The following LRRC69 variants were observed in gnomAD, a reference collection of about 807,000 sequenced individuals.
The protein encoded by LRRC69 is leucine-rich repeat-containing protein 69.
In LRRC69, 42 loss-of-function variants were observed where a neutral mutation model predicts 37.8. The ratio of observed to expected loss-of-function variants is 1.11; its 90% CI spans 0.87 to 1.44. The LOEUF (loss-of-function observed/expected upper bound fraction) is 1.44, where lower values mean the gene tolerates loss of function less well. Among genes scored for constraint, LRRC69 ranks in the 40% most tolerant of loss-of-function variants. LRRC69 has a pLI of 0.00. For missense variants in LRRC69, 357 were observed against 401.9 expected, an observed-to-expected ratio of 0.89 and a Z score of 0.96; for synonymous variants, 141 against 143.1, an observed-to-expected ratio of 0.99 and a Z score of 0.11.
Position 91,148,854 on chromosome 8 carries a change from T to C in LRRC69, c.651+13115T>C, listed in dbSNP as rs539816663. Among the ~76,000 whole-genome samples the C allele has an allele frequency of 3.3e-5, 5 of 152,184 alleles. No individual in the cohort carries two copies. The East Asian group carries it at 9.6e-4, about 29-fold the overall frequency. Reference sequence around the variant, plus strand: ...GTCAGTGATGATGAGCATTTTTTCATGTGTCTTTTGGCGGCATAAATGTCT... The same window carrying C: ...GTCAGTGATGATGAGCATTTTTTCACGTGTCTTTTGGCGGCATAAATGTCT... On this transcript the variant is annotated intron_variant, in intron 5 of 7. Coordinates refer to ENST00000448384, the Ensembl canonical transcript of LRRC69.
chr8:91,125,982 C>G (rs979132112), intron 2 of LRRC69, among the ~76,000 whole-genome samples: 1 of 151,808 alleles, frequency 6.6e-6, no homozygotes, highest in Non-Finnish European at 1.5e-5. Flanking sequence ...ATTGGCATAG[C>G]CATCATCTCA....
At chr8:91,214,651 C>G (rs1471060289) in intron 7 of LRRC69, among the ~76,000 whole-genome samples, 1 of 152,036 alleles carries the variant, frequency 6.6e-6, no homozygotes, top group Non-Finnish European at 1.5e-5. Flanking sequence ...GGGATTAGAC[C>G]AGTCTCTTCT....
intron 5 of LRRC69, among the ~76,000 whole-genome samples, chr8:91,139,992 G>A (rs947066506): frequency 1.3e-5 from 2 of 150,450 alleles, no homozygotes; most frequent in African/African-American, 2.4e-5. Context: ...GGAGGCTGAG[G>A]CCAGAGAATT....
At chr8:91,215,486 T>C (rs1207333918) in intron 7 of LRRC69, among the ~76,000 whole-genome samples, 1 of 152,148 alleles carries the variant, frequency 6.6e-6, no homozygotes, top group Non-Finnish European at 1.5e-5. Context: ...AAGAGTAATA[T>C]TTGAATTTAA....
chr8:91,129,155 A>G (rs1289673416), intron 3 of LRRC69, among the ~76,000 whole-genome samples: 1 of 152,028 alleles, frequency 6.6e-6, no homozygotes, highest in Non-Finnish European at 1.5e-5. Flanking sequence ...TCTGTCATGG[A>G]CAGCGCTGCA....
chr8:91,174,615 G>A (rs1304141189), intron 5 of LRRC69, among the ~76,000 whole-genome samples: 5 of 152,260 alleles, frequency 3.3e-5, no homozygotes, highest in Admixed American at 1.3e-4. Flanking sequence ...AATATATTTC[G>A]TCTAGTTCAC....
chr8:91,121,575 A>G (rs1222694540), intron 1 of LRRC69, among the ~76,000 whole-genome samples: 6 of 152,106 alleles, frequency 3.9e-5, no homozygotes, highest in African/African-American at 9.6e-5. Context: ...CTATATATCA[A>G]CTTCTAAGAC....
At chr8:91,185,268 C>T (rs1454347078) in intron 5 of LRRC69, among the ~76,000 whole-genome samples, 9 of 152,096 alleles carry the variant, frequency 5.9e-5, no homozygotes, top group Non-Finnish European at 2.9e-5. Flanking sequence ...CAGGGCAGGG[C>T]CTGGGCTTGG....
chr8:91,115,257 G>A (rs1813491423), intron 1 of LRRC69, among the ~76,000 whole-genome samples: 1 of 152,006 alleles, frequency 6.6e-6, no homozygotes, highest in African/African-American at 2.4e-5. Flanking sequence ...AATGGGTGGA[G>A]AAAGCTGTTA....
At chr8:91,219,076 A>C, downstream of LRRC69, 1 of 664,056 alleles carries the variant, frequency 1.5e-6, no homozygotes, top group South Asian at 2.5e-5. Context: ...TGCCCTACTT[A>C]AGATACCATG....
chr8:91,174,519 T>G (rs1175190750), intron 5 of LRRC69, among the ~76,000 whole-genome samples: 1 of 152,200 alleles, frequency 6.6e-6, no homozygotes, highest in African/African-American at 2.4e-5. Flanking sequence ...ACCACTCAAG[T>G]TTTAATTTCC....
intron 7 of LRRC69, chr8:91,209,452 T>A (rs1809865068): frequency 6.6e-6 from 1 of 151,564 alleles, no homozygotes. Flanking sequence ...AATAAATAAA[T>A]AAATAAATAA....
intron 5 of LRRC69, among the ~76,000 whole-genome samples, chr8:91,139,941 A>G (rs190791906): frequency 4.0e-4 from 60 of 151,788 alleles, no homozygotes; most frequent in African/African-American, 1.4e-3. Flanking sequence ...ATACAAAATT[A>G]GCTGGGCGTG....
At chr8:91,115,944 TAA>T (rs1813503459) in intron 1 of LRRC69, among the ~76,000 whole-genome samples, 5 of 152,022 alleles carry the variant, frequency 3.3e-5, no homozygotes, top group African/African-American at 1.2e-4. Flanking sequence ...CAGGTAAGCC[TAA>T]CATACATGTC....
At chr8:91,215,459 A>G (rs1029483124) in intron 7 of LRRC69, among the ~76,000 whole-genome samples, 3 of 152,188 alleles carry the variant, frequency 2.0e-5, no homozygotes, top group South Asian at 4.1e-4. Flanking sequence ...ACCATTCAAC[A>G]AACATAAAAC....
chr8:91,105,979 G>A (rs938947115), intron 1 of LRRC69, among the ~76,000 whole-genome samples: 1 of 152,048 alleles, frequency 6.6e-6, no homozygotes, highest in Non-Finnish European at 1.5e-5. Context: ...GCAAAATAGG[G>A]CGTGAGGCGG....
intron 6 of LRRC69, among the ~76,000 whole-genome samples, 199 bp from the exon 7 acceptor site, chr8:91,200,414 T>C (rs1809691995): frequency 6.6e-6 from 1 of 152,204 alleles, no homozygotes; most frequent in Non-Finnish European, 1.5e-5. Flanking sequence ...AAGAAACTTA[T>C]TGTTCTTATA....
chr8:91,147,286 C>T (rs865952476), intron 5 of LRRC69, among the ~76,000 whole-genome samples: 1 of 145,242 alleles, frequency 6.9e-6, no homozygotes, highest in South Asian at 2.1e-4. Context: ...TATATATAAA[C>T]ATATTATATA....
chr8:91,186,005 C>T (rs545623162), intron 5 of LRRC69, among the ~76,000 whole-genome samples: 160 of 152,278 alleles, frequency 1.1e-3, no homozygotes, highest in Admixed American at 3.0e-3. Context: ...TCTGAAGCAA[C>T]AGAAGGACTT....
Sources: allele counts gnomAD v4.1 joint callset (sites outside exome capture counted in the v4.1 genomes callset), GRCh38; gene constraint gnomAD v4.1.1; transcripts MANE v1.5; gene names NCBI Gene and HGNC (gene_info 2026-07-23, HGNC 2026-07-21).